The following TTLL12 variants were observed in gnomAD, a reference collection of about 807,000 sequenced individuals.
TTLL12 encodes the protein tubulin tyrosine ligase like 12, also known as tubulin--tyrosine ligase-like protein 12.
Under a neutral mutation model 79.6 loss-of-function variants are expected in TTLL12, and 77 were observed. That is an observed-to-expected ratio of 0.97 (90% confidence interval 0.81 to 1.17). TTLL12 has a LOEUF of 1.17. Among genes scored for constraint, TTLL12 ranks in the 50% most tolerant of loss-of-function variants. TTLL12 has a pLI of 0.00. For missense variants in TTLL12, 969 were observed against 895.9 expected, an observed-to-expected ratio of 1.08 and a Z score of -1.04; for synonymous variants, 437 against 376.1, an observed-to-expected ratio of 1.16 and a Z score of -1.87.
At position 43,174,082 on chromosome 22, in the gene TTLL12, C is replaced by T. The variant is rs374119559; in HGVS notation, c.1229+127G>A. Reference sequence around the variant, plus strand: ...GGTCCGTGAAGACGGCCGTGACGTTCGGGGCCCACAGCTCGGCTCCTGCAC... The same window carrying T: ...GGTCCGTGAAGACGGCCGTGACGTTTGGGGCCCACAGCTCGGCTCCTGCAC... On this transcript the variant is annotated intron_variant, in intron 8 of 13. Coordinates refer to ENST00000216129, the MANE Select transcript of TTLL12 (RefSeq NM_015140.4). 709 of 1,301,636 alleles carry T rather than the reference C, an allele frequency of 5.4e-4. 5 individuals carry two copies. In the South Asian group the frequency reaches 9.0e-3, roughly 17 times the overall value. 80.6% of individuals were successfully genotyped at this position (1,301,636 alleles called of 1,614,324 possible). A position where few individuals can be genotyped will look rare whatever the true frequency, so the allele number is the denominator to read the frequency against.
rs751377605 is a variant in TTLL12 at position 43,179,999 on chromosome 22, G to T, written c.548C>A (p.Thr183Lys). ...FNQTYQLAHGTAEEKMPVWYI... is the reference protein window; with the variant it reads ...FNQTYQLAHGKAEEKMPVWYI... ...CCACACCGGCATCTTCTCCTCAGCT[G>T]TCTGCAGACAGAGCACATATGGCAC... The change falls in exon 4 of 14, where the codon ACA becomes AAA. Residue 183 changes from threonine to lysine, a missense_variant and splice_region_variant. Physicochemically the swap from Thr to Lys is moderately conservative, Grantham distance 78. Transcript: ENST00000216129. The T allele has an allele frequency of 6.3e-7, 1 of 1,591,274 alleles. No individual in the cohort carries two copies. The highest frequency in any genetic ancestry group is 8.5e-7 in the Non-Finnish European group (1 of 1,170,460).
At chr22:43,171,451 C>G (rs1931761921) in intron 11 of TTLL12, among the ~76,000 whole-genome samples, 1 of 152,198 alleles carries the variant, frequency 6.6e-6, no homozygotes, top group Admixed American at 6.5e-5. Context: ...GTGGGGCCTC[C>G]CCGCCCCCGC....
rs765630625 is a variant in TTLL12, at chr22:43,174,493, C to A, written c.1034+6G>T. The A allele has an allele frequency of 6.2e-7, 1 of 1,601,664 alleles. No individual in the cohort carries two copies. The highest frequency in any genetic ancestry group is 1.1e-5 in the South Asian group (1 of 90,314). ...GGAGGGCCCCTGCGGCCAGAGGTGC[C>A]CTCACCTGTAGTCCTTGAAGTGTGA... On this transcript the variant is annotated splice_donor_region_variant and intron_variant, in intron 7 of 13. Transcript: ENST00000216129.
chr22:43,172,294 G>C (rs563293697), intron 10 of TTLL12, 109 bp downstream of exon 10: 2 of 1,361,016 alleles, frequency 1.5e-6, no homozygotes, highest in East Asian at 4.8e-5. Context: ...GTGATGGAGG[G>C]TGCCTTCCAA....
rs770902578 is a variant in TTLL12 at position 43,179,821 on chromosome 22, C to A, written c.706+20G>T. ...CTGGGCTGAGGCCCCTCCTCCAGGGCGGGCAGGTGCTGGACTTACCGCCAG... is the reference window on the plus strand; with the variant it reads ...CTGGGCTGAGGCCCCTCCTCCAGGGAGGGCAGGTGCTGGACTTACCGCCAG... On this transcript the variant is annotated intron_variant, in intron 4 of 13. Transcript: ENST00000216129. The A allele has an allele frequency of 2.6e-6, 4 of 1,560,492 alleles. No individual in the cohort carries two copies. Among genetic ancestry groups the A allele is most frequent in the Non-Finnish European group, 2.6e-6 (3 of 1,150,606 alleles).
Position 43,180,858 on chromosome 22 carries a change from G to A in TTLL12, c.430C>T (p.Arg144Cys), listed in dbSNP as rs1386294632. ...TCAATGCCCATCAGGTTGGCCATGC[G>A]GTGCAGCAGCCCGGGCACCTGCTGC... ...QLQQVPGLLH[R>C]MANLMGIEFH... Residue 144 changes from arginine (R) to cysteine (C), a missense_variant, in exon 3 of 14, where the codon CGC becomes TGC. Coordinates refer to ENST00000216129, the MANE Select transcript of TTLL12 (RefSeq NM_015140.4). 9.3e-6 allele frequency: 15 copies of A among 1,612,934 alleles called. No individual in the cohort carries two copies. The highest frequency in any genetic ancestry group is 1.7e-5 in the Admixed American group (1 of 59,990).
Position 43,167,941 on chromosome 22 carries a change from C to T in TTLL12, c.*67G>A. ...GTGGGGAGGGACATGGGGGCCTTTG[C>T]AGAAGCAGCTCAGAGAACTGAGGTT... On this transcript the variant is annotated 3_prime_UTR_variant, in exon 14 of 14. Transcript: ENST00000216129. 1 of 1,566,054 alleles carries T rather than the reference C, an allele frequency of 6.4e-7. No individual in the cohort carries two copies. Among genetic ancestry groups the T allele is most frequent in the Non-Finnish European group, 8.7e-7 (1 of 1,151,080 alleles).
chr22:43,171,727 G>T, intron 11 of TTLL12, 92 bp downstream of exon 11: 1 of 1,078,592 alleles, frequency 9.3e-7, no homozygotes, highest in Non-Finnish European at 1.4e-6. Flanking sequence ...TGGCCTGTGT[G>T]CCAGTCCTCC....
At chr22:43,175,651 T>G (rs980409304) in intron 6 of TTLL12, 2 of 150,650 alleles carry the variant, frequency 1.3e-5, no homozygotes, top group Non-Finnish European at 2.9e-5. Context: ...CCTATTCCTA[T>G]TTTTAACTTT....
intron 2 of TTLL12, 131 bp downstream of exon 2, chr22:43,182,849 A>G (rs1266370735): frequency 7.9e-7 from 1 of 1,269,454 alleles, no homozygotes; most frequent in East Asian, 2.5e-5. Context: ...CGCTGGCCAC[A>G]CGTGCTTGCC....
At chr22:43,179,539 T>C in intron 5 of TTLL12, 80 bp downstream of exon 5, 2 of 1,438,528 alleles carry the variant, frequency 1.4e-6, no homozygotes, top group South Asian at 3.0e-5. Flanking sequence ...GGCTGGGGTT[T>C]GATAACATTT....
intron 1 of TTLL12, chr22:43,185,882 G>T: frequency 1.2e-6 from 1 of 861,330 alleles, no homozygotes; most frequent in Non-Finnish European, 1.4e-6. Context: ...GGACCAGAGT[G>T]GTCCTCGGAA....
Position 43,172,744 on chromosome 22 carries a change from C to A in TTLL12, c.1342-190G>T, listed in dbSNP as rs557135552. ...ACAGAGTTTTGTTCTGTTGCCCAAG[C>A]TGGAGTGCGGTGGCACAATGTTGGC... On this transcript the variant is annotated intron_variant, in intron 9 of 13. Transcript: ENST00000216129. Among the ~76,000 whole-genome samples the A allele has an allele frequency of 4.0e-5, 6 of 151,716 alleles. No individual in the cohort carries two copies. The South Asian group carries it at 1.2e-3, about 32-fold the overall frequency.
At chr22:43,176,014 G>A (rs1931898203) in intron 6 of TTLL12, among the ~76,000 whole-genome samples, 1 of 151,542 alleles carries the variant, frequency 6.6e-6, no homozygotes, top group Non-Finnish European at 1.5e-5. Flanking sequence ...AAACCTGGGA[G>A]GTGGAGGTTG....
intron 6 of TTLL12, among the ~76,000 whole-genome samples, 191 bp from the exon 7 acceptor site, chr22:43,174,806 C>T (rs764994017): frequency 1.8e-4 from 28 of 152,314 alleles, no homozygotes; most frequent in South Asian, 4.1e-4. Flanking sequence ...GAGGGAGGGG[C>T]GCAACCTGTA....
intron 11 of TTLL12, chr22:43,170,104 A>G: frequency 2.8e-6 from 1 of 356,672 alleles, no homozygotes; most frequent in South Asian, 2.1e-5. Flanking sequence ...TTCTCCCAGA[A>G]AAGAACAAGC....
intron 12 of TTLL12, 144 bp from the exon 13 acceptor site, chr22:43,169,056 C>T (rs1306509279): frequency 4.0e-5 from 44 of 1,089,680 alleles, no homozygotes; most frequent in Non-Finnish European, 5.4e-5. Context: ...TCACCATGGC[C>T]ACCTCCGCCC....
chr22:43,170,439 T>C (rs924583290), intron 11 of TTLL12, among the ~76,000 whole-genome samples: 6 of 152,236 alleles, frequency 3.9e-5, no homozygotes, highest in Admixed American at 3.9e-4. Flanking sequence ...GACATGGGCA[T>C]GGCCAGGTGC....
chr22:43,167,778 T>C lies in TTLL12; in HGVS notation c.*230A>G. ...GGGGTGAGGGCAGGGCGTGGGGTGG[T>C]GCTCAGCCCTGGGGACACCATCACT... On this transcript the variant is annotated 3_prime_UTR_variant, in exon 14 of 14. Transcript: ENST00000216129. The C allele has an allele frequency of 2.1e-6, 1 of 478,258 alleles. No individual in the cohort carries two copies. The highest frequency in any genetic ancestry group is 3.8e-6 in the Non-Finnish European group (1 of 266,544). 29.6% of individuals were successfully genotyped at this position (478,258 alleles called of 1,614,324 possible).
Sources: gnomAD v4.1 joint callset for allele counts (sites outside exome capture counted in the v4.1 genomes callset) on GRCh38, gnomAD v4.1.1 for gene constraint, MANE v1.5 for transcripts, NCBI Gene and HGNC (gene_info 2026-07-23, HGNC 2026-07-21) for gene names.